ST18: variants seen among roughly 807,000 people sequenced by gnomAD.
The protein encoded by ST18 is suppression of tumorigenicity 18 protein.
In ST18, 50 loss-of-function variants were observed where a neutral mutation model predicts 110.0. That is an observed-to-expected ratio of 0.45 (90% CI 0.36 to 0.58). The LOEUF (loss-of-function observed/expected upper bound fraction) is 0.58. Among genes scored for constraint, ST18 ranks in the 20% least tolerant of loss-of-function variants. The pLI is 0.00. For missense variants in ST18, 1,306 were observed against 1,280.1 expected (o/e 1.02, Z -0.31); for synonymous variants, 461 against 452.4 (o/e 1.02, Z -0.24).
intron 3 of ST18, among the ~76,000 whole-genome samples, chr8:52,227,501 C>T (rs976265016): frequency 4.6e-5 from 7 of 152,070 alleles, no homozygotes; most frequent in Admixed American, 2.0e-4. Flanking sequence ...TAGAATAAAG[C>T]AATGTCCCCA....
chr8:52,263,220 G>C (rs1279717532), intron 2 of ST18, among the ~76,000 whole-genome samples: 5 of 152,210 alleles, frequency 3.3e-5, no homozygotes, highest in African/African-American at 9.7e-5. Flanking sequence ...TGTACAGAGA[G>C]GGTGTGGTTG....
chr8:52,290,230 G>A (rs997148407), intron 2 of ST18, among the ~76,000 whole-genome samples: 1 of 152,012 alleles, frequency 6.6e-6, no homozygotes, highest in African/African-American at 2.4e-5. Context: ...CTCACTAAAG[G>A]CTCCACCTGA....
At chr8:52,347,239 A>G (rs1818184420) in intron 2 of ST18, among the ~76,000 whole-genome samples, 1 of 152,256 alleles carries the variant, frequency 6.6e-6, no homozygotes, top group African/African-American at 2.4e-5. Context: ...GGTTATGATG[A>G]CATAAAATAT....
chr8:52,274,847 C>A (rs949134545), intron 2 of ST18, among the ~76,000 whole-genome samples: 2 of 152,032 alleles, frequency 1.3e-5, no homozygotes, highest in African/African-American at 4.8e-5. Flanking sequence ...TTCCCTTTTC[C>A]CCAATTTTTT....
chr8:52,319,733 C>T (rs928375526), intron 2 of ST18, among the ~76,000 whole-genome samples: 1 of 152,058 alleles, frequency 6.6e-6, no homozygotes, highest in African/African-American at 2.4e-5. Flanking sequence ...TGCTTGTTTG[C>T]TTCTGGTCAG....
At chr8:52,170,692 A>G (rs1192101218) in intron 10 of ST18, among the ~76,000 whole-genome samples, 1 of 152,104 alleles carries the variant, frequency 6.6e-6, no homozygotes, top group Non-Finnish European at 1.5e-5. Context: ...CAGGCTAGTC[A>G]TTAATATTCT....
At chr8:52,255,037 A>G (rs1282984484) in intron 2 of ST18, among the ~76,000 whole-genome samples, 1 of 152,168 alleles carries the variant, frequency 6.6e-6, no homozygotes, top group Non-Finnish European at 1.5e-5. Flanking sequence ...CTTGGTAAAC[A>G]CAAGCCCCAA....
At chr8:52,168,426 G>A (rs1480687842) in intron 10 of ST18, among the ~76,000 whole-genome samples, 3 of 152,018 alleles carry the variant, frequency 2.0e-5, no homozygotes, top group Admixed American at 6.6e-5. Flanking sequence ...TGTATTGTGA[G>A]AGCAGACGTG....
At chr8:52,311,669 GGA>G (rs1230967405) in intron 2 of ST18, among the ~76,000 whole-genome samples, 1 of 152,190 alleles carries the variant, frequency 6.6e-6, no homozygotes, top group Non-Finnish European at 1.5e-5. Flanking sequence ...TATGGTGGCA[GGA>G]GAGAGAGAGT....
At chr8:52,234,351 G>GC (rs1486421549) in intron 2 of ST18, among the ~76,000 whole-genome samples, 1 of 151,784 alleles carries the variant, frequency 6.6e-6, no homozygotes, top group Non-Finnish European at 1.5e-5. Context: ...TGCAACCTCC[G>GC]CCCCCCGGAT....
rs541535203 is a variant in ST18, at chr8:52,196,497, C to A, written c.86+15582G>T. ...TCTCCCTGATTTCATACTGTAGTCC[C>A]CCCTTGTCCGTGCTTTCATTTTCCA... On this transcript the variant is annotated intron_variant, in intron 8 of 25. Transcript: ENST00000689386. 1.1e-4 allele frequency among the ~76,000 whole-genome samples: 16 copies of A among 152,248 alleles called. No individual in the cohort carries two copies. The East Asian group carries it at 1.7e-3, about 17-fold the overall frequency.
intron 19 of ST18, among the ~76,000 whole-genome samples, chr8:52,135,382 G>C (rs2131685415): frequency 6.6e-6 from 1 of 151,960 alleles, no homozygotes; most frequent in Non-Finnish European, 1.5e-5. Flanking sequence ...CCAACATGGT[G>C]AAACAGTGTC....
intron 2 of ST18, among the ~76,000 whole-genome samples, chr8:52,325,530 T>G (rs533867735): frequency 1.3e-5 from 2 of 152,304 alleles, no homozygotes; most frequent in South Asian, 2.1e-4. Flanking sequence ...AAAGCTTAAT[T>G]AGAACAAGGT....
At chr8:52,296,290 G>A (rs767155675) in intron 2 of ST18, 6 of 152,216 alleles carry the variant, frequency 3.9e-5, no homozygotes, top group Non-Finnish European at 8.8e-5. Flanking sequence ...TTTTATTGAC[G>A]TCTGGCTGAT....
chr8:52,327,349 GCT>G (rs1180201836), intron 2 of ST18, among the ~76,000 whole-genome samples: 1 of 152,200 alleles, frequency 6.6e-6, no homozygotes, highest in Non-Finnish European at 1.5e-5. Context: ...GGTCAGCCCT[GCT>G]CTTTCTTGAA....
intron 2 of ST18, among the ~76,000 whole-genome samples, chr8:52,267,242 A>G (rs1228990904): frequency 6.6e-6 from 1 of 151,962 alleles, no homozygotes; most frequent in Non-Finnish European, 1.5e-5. Flanking sequence ...TACTTTAGGG[A>G]GCCAAGCATG....
intron 2 of ST18, among the ~76,000 whole-genome samples, chr8:52,333,702 A>G (rs558981807): frequency 6.6e-6 from 1 of 152,364 alleles, no homozygotes; most frequent in African/African-American, 2.4e-5. Context: ...TTTATATTTG[A>G]TAAACTTTGA....
chr8:52,331,725 A>G (rs984080501), intron 2 of ST18, among the ~76,000 whole-genome samples: 2 of 152,216 alleles, frequency 1.3e-5, no homozygotes, highest in African/African-American at 2.4e-5. Flanking sequence ...ACACGTGTGC[A>G]TATCAAAGTG....
At chr8:52,272,267 A>G (rs920776495) in intron 2 of ST18, among the ~76,000 whole-genome samples, 8 of 152,200 alleles carry the variant, frequency 5.3e-5, no homozygotes, top group African/African-American at 1.9e-4. Context: ...GAGTGAAAAG[A>G]GTGGGAGAAA....
Sources: gnomAD v4.1 joint callset for allele counts (sites outside exome capture counted in the v4.1 genomes callset) on GRCh38, gnomAD v4.1.1 for gene constraint, MANE v1.5 for transcripts, NCBI Gene and HGNC (gene_info 2026-07-23, HGNC 2026-07-21) for gene names.